The following UPF2 variants were observed in gnomAD, a reference collection of about 807,000 sequenced individuals.
UPF2 encodes the protein regulator of nonsense transcripts 2.
In UPF2, 17 loss-of-function variants were observed where a neutral mutation model predicts 141.4. The observed-to-expected ratio is 0.12, with a 90% CI of 0.08 to 0.18. The LOEUF (loss-of-function observed/expected upper bound fraction) is 0.18, where lower values mean the gene tolerates loss of function less well. Among genes scored for constraint, UPF2 ranks in the 10% least tolerant of loss-of-function variants. The pLI, the probability that UPF2 is intolerant of heterozygous loss-of-function variation, is 1.00. For missense variants in UPF2, 1,152 were observed against 1,515.9 expected (o/e 0.76, Z 3.99); for synonymous variants, 540 against 498.0 (o/e 1.08, Z -1.12).
rs1314830428 is a variant in UPF2 at position 11,940,349 on chromosome 10, A to C, written c.3378+2316T>G. Among the ~76,000 whole-genome samples, 1 of 152,192 alleles carries C rather than the reference A, an allele frequency of 6.6e-6. No homozygotes were observed. Among genetic ancestry groups the C allele is most frequent in the East Asian group, 1.9e-4 (1 of 5,194 alleles). ...TAAATGTTAAGGTTCTTCAGGGCTC[A>C]ATCCTGACCCTGCTTCTCTTCTCTG... is the stretch of plus-strand genomic sequence containing the variant. On this transcript the variant is annotated intron_variant, in intron 18 of 21. Transcript: ENST00000357604. The surrounding 1 kb of genome is among the most constrained non-coding windows in gnomAD (Gnocchi z 4.2).
intron 8 of UPF2, among the ~76,000 whole-genome samples, chr10:11,982,231 G>A (rs926948953): frequency 2.6e-5 from 4 of 152,098 alleles, no homozygotes; most frequent in East Asian, 1.9e-4. Flanking sequence ...AAATCTATGC[G>A]GAGGTTCTTT....
At chr10:11,943,864 T>C (rs1312874799) in intron 16 of UPF2, among the ~76,000 whole-genome samples, 1 of 151,642 alleles carries the variant, frequency 6.6e-6, no homozygotes, top group Non-Finnish European at 1.5e-5. Flanking sequence ...TCAGCTGAAA[T>C]TTCTTGTCAA....
intron 11 of UPF2, among the ~76,000 whole-genome samples, chr10:11,960,627 G>GT (rs1278848036): frequency 2.0e-5 from 3 of 151,870 alleles, no homozygotes; most frequent in African/African-American, 4.8e-5. Context: ...AGGCACGGTA[G>GT]TATGCGCTGT....
intron 2 of UPF2, among the ~76,000 whole-genome samples, chr10:12,032,932 C>A (rs1407656998): frequency 6.7e-6 from 1 of 148,786 alleles, no homozygotes; most frequent in Non-Finnish European, 1.5e-5. Flanking sequence ...TTGGAGACTG[C>A]AGTACGTTAT....
At position 12,028,973 on chromosome 10, in the gene UPF2, G is replaced by A; in HGVS notation, c.917C>T (p.Ser306Phe). The A allele has an allele frequency of 6.2e-7, 1 of 1,614,166 alleles. No homozygotes were observed. The highest frequency in any genetic ancestry group is 8.5e-7 in the Non-Finnish European group (1 of 1,180,036). ...NADRESHTHV[S>F]VVISFCRHCG... The stretch of plus-strand genomic sequence containing the variant: ...ATGTCGACAGAAACTAATCACTACA[G>A]AGACATGAGTGTGGGACTCCCGATC... Residue 306 changes from serine to phenylalanine, a missense_variant, in exon 3 of 22, where the codon TCT becomes TTT. By Grantham distance (155) the Ser-to-Phe change is radical (BLOSUM62 -2). Transcript: ENST00000357604.
At position 11,959,661 on chromosome 10, in the gene UPF2, G is replaced by C. The variant is rs1042841604; in HGVS notation, c.2185-305C>G. On this transcript the variant is annotated intron_variant, in intron 11 of 21. Transcript: ENST00000357604. This position sits in a 1 kb window ranked among gnomAD's most constrained non-coding sequence, Gnocchi z 5.9. ...TGTAGTCCCAGCTACTTGGGAGGTTGAGGTGGGTGGACAGCTTGAGCCCAG... is the reference window on the plus strand; with the variant it reads ...TGTAGTCCCAGCTACTTGGGAGGTTCAGGTGGGTGGACAGCTTGAGCCCAG... Among the ~76,000 whole-genome samples, 1 of 152,148 alleles carries C rather than the reference G, an allele frequency of 6.6e-6. No individual in the cohort carries two copies. The highest frequency in any genetic ancestry group is 2.4e-5 in the African/African-American group (1 of 41,438).
chr10:11,948,399 A>G lies in UPF2; in HGVS notation c.3144T>C (p.Asn1048=), dbSNP rs1833031593. 1.2e-6 allele frequency: 2 copies of G among 1,603,776 alleles called. No individual in the cohort carries two copies. The highest frequency in any genetic ancestry group is 1.1e-5 in the South Asian group (1 of 90,212). ...GGAETEEQSG[N]ESEVNEPEEE... is the part of the protein sequence containing the mutation. Reference sequence around the variant, plus strand: ...CTTCTGGCTCATTTACTTCACTTTCATTTCCAGATTGTTCTTCTGTTTCAG... The same window carrying G: ...CTTCTGGCTCATTTACTTCACTTTCGTTTCCAGATTGTTCTTCTGTTTCAG... Residue 1048 remains asparagine (N), a synonymous_variant, in exon 16 of 22, where the codon AAT becomes AAC. Coordinates refer to ENST00000357604, the MANE Select transcript of UPF2 (RefSeq NM_015542.4).
rs1216234927 is a variant in UPF2, at chr10:12,004,770, T to C, written c.1307-43A>G. 22 of 1,567,130 alleles carry C rather than the reference T, an allele frequency of 1.4e-5. No individual in the cohort carries two copies. The Admixed American group carries it at 4.0e-4, about 29-fold the overall frequency. On this transcript the variant is annotated intron_variant, in intron 4 of 21. Coordinates refer to ENST00000357604, the MANE Select transcript of UPF2 (RefSeq NM_015542.4). The stretch of plus-strand genomic sequence containing the variant: ...ACAAGTAATTAACATAACTTGAGGT[T>C]ATAGCATGATAAACATGACATAAGT...
chr10:12,011,706 G>A (rs1420627401), intron 4 of UPF2, among the ~76,000 whole-genome samples: 1 of 151,986 alleles, frequency 6.6e-6, no homozygotes, highest in Non-Finnish European at 1.5e-5. Context: ...AGCACTTTGG[G>A]AGGCTGAGAC....
At chr10:11,999,083 G>T (rs1316995605) in intron 7 of UPF2, among the ~76,000 whole-genome samples, 5 of 151,878 alleles carry the variant, frequency 3.3e-5, no homozygotes, top group African/African-American at 4.8e-5. Context: ...AAGTGACAGT[G>T]GCACTGTTTT....
At chr10:11,958,313 A>G (rs1006846258) in intron 12 of UPF2, among the ~76,000 whole-genome samples, 1 of 152,254 alleles carries the variant, frequency 6.6e-6, no homozygotes, top group African/African-American at 2.4e-5. Flanking sequence ...TAAAATGGAT[A>G]CTATTAGCCA....
At chr10:11,963,355 C>CATTCATTCATTCATTT (rs369200355) in intron 11 of UPF2, among the ~76,000 whole-genome samples, 6,536 of 152,234 alleles carry the variant, frequency 0.043, 190 homozygotes, top group Non-Finnish European at 0.064. Context: ...TTCATTCATT[C>CATTCATTCATTCATTT]GAGACAGGGT....
chr10:11,933,816 A>C (rs1016208952), intron 19 of UPF2, among the ~76,000 whole-genome samples: 1 of 152,208 alleles, frequency 6.6e-6, no homozygotes, highest in Non-Finnish European at 1.5e-5. Flanking sequence ...GGAGGAAGGA[A>C]AAAAACTCAT....
intron 8 of UPF2, among the ~76,000 whole-genome samples, chr10:11,985,616 G>A (rs1369112281): frequency 2.1e-5 from 3 of 141,942 alleles, no homozygotes; most frequent in South Asian, 4.4e-4. Flanking sequence ...GCAAGAGTCC[G>A]TCTCCAAAAA....
At chr10:12,005,213 T>C (rs1834016479) in intron 4 of UPF2, among the ~76,000 whole-genome samples, 1 of 151,882 alleles carries the variant, frequency 6.6e-6, no homozygotes, top group Non-Finnish European at 1.5e-5. Flanking sequence ...TTAAGAAGCA[T>C]CCCTCCTTTT....
In UPF2 at chr10:11,980,361, A is replaced by G. The variant is rs1833571664; in HGVS notation, c.1845-1196T>C. On this transcript the variant is annotated intron_variant, in intron 8 of 21. Coordinates refer to ENST00000357604, the MANE Select transcript of UPF2 (RefSeq NM_015542.4). The surrounding 1 kb of genome is among the most constrained non-coding windows in gnomAD (Gnocchi z 4.2). ...TAATGGAGCTGACAGTGAGAGAGGAAGCTAAAAACTATAAAATTACAAGAG... is the reference window on the plus strand; with the variant it reads ...TAATGGAGCTGACAGTGAGAGAGGAGGCTAAAAACTATAAAATTACAAGAG... Among the ~76,000 whole-genome samples, 1 of 152,222 alleles carries G rather than the reference A, an allele frequency of 6.6e-6. No individual in the cohort carries two copies. The highest frequency in any genetic ancestry group is 1.5e-5 in the Non-Finnish European group (1 of 68,044).
intron 21 of UPF2, among the ~76,000 whole-genome samples, chr10:11,929,579 G>A (rs1215530062): frequency 6.6e-6 from 1 of 151,958 alleles, no homozygotes; most frequent in Non-Finnish European, 1.5e-5. Context: ...TGAGGCTGTA[G>A]TGAGTGAGTT....
At chr10:11,962,250 C>A (rs1833252771) in intron 11 of UPF2, among the ~76,000 whole-genome samples, 1 of 152,134 alleles carries the variant, frequency 6.6e-6, no homozygotes, top group Non-Finnish European at 1.5e-5. Flanking sequence ...GAAGGCAAAC[C>A]AGTTAAAAGG....
chr10:12,023,250 T>C (rs1834348946), intron 3 of UPF2, among the ~76,000 whole-genome samples: 1 of 152,140 alleles, frequency 6.6e-6, no homozygotes, highest in South Asian at 2.1e-4. Context: ...GCACTTAACA[T>C]TATAAAAGGC....
Sources: allele counts gnomAD v4.1 joint callset (sites outside exome capture counted in the v4.1 genomes callset), GRCh38; gene constraint gnomAD v4.1.1; non-coding constraint Gnocchi (gnomAD v3.1); transcripts MANE v1.5; gene names NCBI Gene and HGNC (gene_info 2026-07-23, HGNC 2026-07-21).